Variants in PEX1 observed in about 807,000 individuals in gnomAD.
PEX1 encodes the protein peroxisomal biogenesis factor 1.
A neutral mutation model predicts 152.5 loss-of-function variants in PEX1; 97 were observed. That is an observed-to-expected ratio of 0.64 (90% CI 0.54 to 0.75). PEX1 has a LOEUF of 0.75. Ranked by LOEUF, PEX1 falls within the 30% of genes least tolerant of loss-of-function variation. The pLI is 0.00. For missense variants in PEX1, 1,357 were observed against 1,516.3 expected (o/e 0.89, Z 1.74); for synonymous variants, 485 against 531.6 (o/e 0.91, Z 1.21).
Position 92,509,316 on chromosome 7 carries a change from C to A in PEX1, c.1670+13G>T. ...AACATGTCTAACATGCTAGTTTGGC[C>A]ATAACTTCTTACCCCAAAGAGCTCA... is the stretch of plus-strand genomic sequence containing the variant. On this transcript the variant is annotated intron_variant, in intron 9 of 23. Transcript: ENST00000248633. 6.3e-7 allele frequency: 1 copy of A among 1,583,336 alleles called. No individual in the cohort carries two copies. The highest frequency in any genetic ancestry group is 1.1e-5 in the South Asian group (1 of 90,504).
chr7:92,511,318 G>C lies in PEX1; in HGVS notation c.1483+262C>G, dbSNP rs141073730. On this transcript the variant is annotated intron_variant, in intron 7 of 23. Transcript: ENST00000248633. ...TTTTGTATTTTTTTGTATAGATAGG[G>C]TTGCGCCATGTTGGCAGGCTGCTCT... Among the ~76,000 whole-genome samples the C allele has an allele frequency of 4.2e-3, 646 of 152,138 alleles. 5 individuals carry two copies. The highest frequency in any genetic ancestry group is 0.015 in the African/African-American group (609 of 41,514).
rs61750418 is a variant in PEX1, at chr7:92,501,923, G to A, written c.2383C>T (p.Arg795Ter). The A allele has an allele frequency of 3.2e-5, 51 of 1,613,770 alleles. No homozygotes were observed. Among genetic ancestry groups the A allele is most frequent in the South Asian group, 6.6e-5 (6 of 91,030 alleles). ...TVLVDRAIHS[R>*]LSRQSISTRE... ...GTGGATATACTCTGACGAGAGAGTC[G>A]AGAATGTATGGCTCGATCCACAAGT... is the stretch of plus-strand genomic sequence containing the variant. Residue 795 changes from arginine (R) to a stop codon, truncating the protein, a stop_gained, in exon 14 of 24, where the codon CGA (arginine) becomes TGA (stop). Coordinates refer to ENST00000248633, the MANE Select transcript of PEX1 (RefSeq NM_000466.3). LOFTEE classifies it high-confidence loss of function.
At chr7:92,506,153 T>A in intron 11 of PEX1, 95 bp downstream of exon 11, 2 of 753,228 alleles carry the variant, frequency 2.7e-6, no homozygotes, top group Non-Finnish European at 4.8e-6. Flanking sequence ...AAAGACTAGA[T>A]GATATGTGTA....
Position 92,528,250 on chromosome 7 carries a change from C to CTTCG in PEX1, c.129+53_129+56dup. On this transcript the variant is annotated intron_variant, in intron 1 of 23. Transcript: ENST00000248633. ...GGTGTCCCGCCGCGTCCCTGAGAGG[C>CTTCG]TTCGGCCTCGTCCGACCCCAGGCTG... is the stretch of plus-strand genomic sequence containing the variant. 1.9e-6 allele frequency: 3 copies of CTTCG among 1,542,646 alleles called. No individual in the cohort carries two copies. The South Asian group carries it at 3.6e-5, about 18-fold the overall frequency.
intron 21 of PEX1, 128 bp downstream of exon 21, chr7:92,491,144 C>T (rs1056486613): frequency 7.2e-5 from 49 of 682,590 alleles, no homozygotes; most frequent in Non-Finnish European, 1.2e-4. Context: ...AGAAACAAGA[C>T]TATTTTACTG....
intron 2 of PEX1, among the ~76,000 whole-genome samples, chr7:92,521,557 C>T (rs1793050074): frequency 6.6e-6 from 1 of 151,726 alleles, no homozygotes; most frequent in Admixed American, 6.6e-5. Context: ...GCCTCAGCCT[C>T]CTGAGTAGCT....
intron 21 of PEX1, 131 bp downstream of exon 21, chr7:92,491,141 A>G: frequency 1.5e-6 from 1 of 673,660 alleles, no homozygotes; most frequent in Non-Finnish European, 2.7e-6. Context: ...GCAAGAAACA[A>G]GACTATTTTA....
intron 1 of PEX1, among the ~76,000 whole-genome samples, chr7:92,527,536 A>T (rs553376417): frequency 6.6e-6 from 1 of 152,190 alleles, no homozygotes; most frequent in African/African-American, 2.4e-5. Flanking sequence ...ATTATTGCAA[A>T]CTCTATTCAT....
chr7:92,495,387 A>G (rs1480503374), intron 17 of PEX1, among the ~76,000 whole-genome samples: 2 of 152,178 alleles, frequency 1.3e-5, no homozygotes. Context: ...GGCCAAAAAT[A>G]GACCAGAATT....
At chr7:92,521,517 C>G (rs1032043228) in intron 2 of PEX1, among the ~76,000 whole-genome samples, 1 of 152,044 alleles carries the variant, frequency 6.6e-6, no homozygotes, top group African/African-American at 2.4e-5. Flanking sequence ...TCACTGCAAC[C>G]TCCACCTCCC....
chr7:92,507,141 C>T lies in PEX1; in HGVS notation c.1671-15G>A, dbSNP rs1792231993. 1.9e-6 allele frequency: 3 copies of T among 1,610,818 alleles called. No homozygotes were observed. Among genetic ancestry groups the T allele is most frequent in the Non-Finnish European group, 2.5e-6 (3 of 1,177,418 alleles). ...AATTCACTCCTCTGTAAAAAATATA[C>T]ATAGTTACATGATAAAAGACTGAAG... On this transcript the variant is annotated splice_polypyrimidine_tract_variant and intron_variant, in intron 9 of 23. Coordinates refer to ENST00000248633, the MANE Select transcript of PEX1 (RefSeq NM_000466.3).
intron 1 of PEX1, among the ~76,000 whole-genome samples, chr7:92,524,821 G>A (rs1357549468): frequency 1.3e-5 from 2 of 152,106 alleles, no homozygotes; most frequent in Non-Finnish European, 2.9e-5. Flanking sequence ...AGCTGTAACC[G>A]TGTGAGCTAT....
chr7:92,501,451 A>G (rs1791920835), intron 15 of PEX1, 56 bp downstream of exon 15: 1 of 1,458,298 alleles, frequency 6.9e-7, no homozygotes, highest in Admixed American at 1.7e-5. Context: ...GCCAAAGCCA[A>G]TAATACAGTG....
At chr7:92,497,843 G>A (rs185930050) in intron 16 of PEX1, among the ~76,000 whole-genome samples, 4 of 152,208 alleles carry the variant, frequency 2.6e-5, no homozygotes, top group Admixed American at 2.6e-4. Flanking sequence ...GCCGAAGCTG[G>A]TGGATCATGA....
rs1790970341 is a variant in PEX1 at position 92,487,270 on chromosome 7, T to C, written c.*187A>G. 2.5e-6 allele frequency: 1 copy of C among 392,276 alleles called. No individual in the cohort carries two copies. The highest frequency in any genetic ancestry group is 4.5e-6 in the Non-Finnish European group (1 of 220,564). The allele number at this position is 392,276 out of a possible 1,614,324, so 24.3% of individuals were successfully genotyped here. A position where few individuals can be genotyped will look rare whatever the true frequency, so the allele number is the denominator to read the frequency against. On this transcript the variant is annotated 3_prime_UTR_variant, in exon 24 of 24. Transcript: ENST00000248633. Reference sequence around the variant, plus strand: ...TATGGAATCTGTTATAATGTCCCAATTTATACTACAGTATTAATCTCAATC... The same window carrying C: ...TATGGAATCTGTTATAATGTCCCAACTTATACTACAGTATTAATCTCAATC...
intron 9 of PEX1, chr7:92,507,949 CT>C (rs1792280551): frequency 6.6e-6 from 1 of 151,984 alleles, no homozygotes; most frequent in African/African-American, 2.4e-5. Flanking sequence ...AGCCTCCAAG[CT>C]TTTAAAATTA....
Position 92,507,000 on chromosome 7 carries a change from T to C in PEX1, c.1797A>G (p.Gly599=), listed in dbSNP as rs76986636. ...ACACACCTTAACCACTTACCTTTCCTCCTGTGAGTAAAAGAGCTCCATTCC... is the reference window on the plus strand; with the variant it reads ...ACACACCTTAACCACTTACCTTTCCCCCTGTGAGTAAAAGAGCTCCATTCC... The part of the protein sequence containing the change: ...GLRNGALLLT[G]GKGSGKSTLA... Residue 599 remains glycine, a synonymous_variant, in exon 10 of 24, where the codon GGA becomes GGG. Transcript: ENST00000248633. The C allele has an allele frequency of 2.7e-4, 428 of 1,614,066 alleles. 1 individual carries two copies. The African/African-American group carries it at 4.8e-3, about 18-fold the overall frequency.
At chr7:92,524,830 A>G (rs1793196683) in intron 1 of PEX1, among the ~76,000 whole-genome samples, 1 of 152,198 alleles carries the variant, frequency 6.6e-6, no homozygotes. Context: ...CGTGTGAGCT[A>G]TTACAAGAAT....
chr7:92,509,553 T>C (rs1792357825), intron 8 of PEX1, 142 bp from the exon 9 acceptor site: 1 of 658,112 alleles, frequency 1.5e-6, no homozygotes, highest in Non-Finnish European at 2.7e-6. Flanking sequence ...TTAAACACCC[T>C]TGACAATAAC....
Sources: gnomAD v4.1 joint callset for allele counts (sites outside exome capture counted in the v4.1 genomes callset) on GRCh38, gnomAD v4.1.1 for gene constraint, MANE v1.5 for transcripts, NCBI Gene and HGNC (gene_info 2026-07-23, HGNC 2026-07-21) for gene names.